PANK2: variants seen among roughly 807,000 people sequenced by gnomAD.
The protein encoded by PANK2 is pantothenate kinase 2.
Under a neutral mutation model 43.1 loss-of-function variants are expected in PANK2, and 36 were observed. That is an observed-to-expected ratio of 0.84 (90% CI 0.64 to 1.10). The LOEUF is 1.10. PANK2 is among the 50% of genes least tolerant of loss of function. PANK2 has a pLI of 0.00. For missense variants in PANK2, 576 were observed against 593.3 expected (o/e 0.97, Z 0.30); for synonymous variants, 281 against 238.2 (o/e 1.18, Z -1.66).
rs1009284458 is a variant in PANK2 at position 3,928,784 on chromosome 20, TGG to T, written c.*5493_*5494del. On this transcript the variant is annotated 3_prime_UTR_variant, in exon 7 of 7. Coordinates refer to ENST00000610179, the MANE Select transcript of PANK2 (RefSeq NM_001386393.1). ...AAAAAAAAAAAAAAAAAAAAATTGT[TGG>T]GGTAATTTCTGTTGTCAAATGGAAA... 1 of 139,020 alleles carries T rather than the reference TGG, an allele frequency of 7.2e-6. No homozygotes were observed. Among genetic ancestry groups the T allele is most frequent in the South Asian group, 2.3e-4 (1 of 4,302 alleles). The allele number at this position is 139,020 out of a possible 1,614,324, so 8.6% of individuals were successfully genotyped here. A position where few individuals can be genotyped will look rare whatever the true frequency, so the allele number is the denominator to read the frequency against.
intron 1 of PANK2, among the ~76,000 whole-genome samples, chr20:3,892,094 G>T (rs1047798167): frequency 2.0e-5 from 3 of 152,128 alleles, no homozygotes; most frequent in African/African-American, 7.2e-5. Context: ...CCAGCACTTT[G>T]GGAGGCCAAG....
At chr20:3,904,913 G>C (rs1409329599) in intron 1 of PANK2, among the ~76,000 whole-genome samples, 1 of 152,158 alleles carries the variant, frequency 6.6e-6, no homozygotes, top group Non-Finnish European at 1.5e-5. Context: ...AGTGGATTCA[G>C]TGTCTGTTTA....
At chr20:3,899,033 C>T (rs1019756435) in intron 1 of PANK2, among the ~76,000 whole-genome samples, 4 of 151,662 alleles carry the variant, frequency 2.6e-5, no homozygotes, top group Admixed American at 1.3e-4. Context: ...CACCACTGCA[C>T]CTGGCTAATT....
chr20:3,910,295 G>GTTTTTTTTTTTTTTTTTTT (rs11441747), intron 2 of PANK2, among the ~76,000 whole-genome samples: 1 of 143,906 alleles, frequency 6.9e-6, no homozygotes. Context: ...AAATGCTGTG[G>GTTTTTTTTTTTTTTTTTTT]TTTTTTTTTT....
chr20:3,895,354 A>T (rs1387600308), intron 1 of PANK2, among the ~76,000 whole-genome samples: 2 of 152,014 alleles, frequency 1.3e-5, no homozygotes, highest in African/African-American at 4.8e-5. Flanking sequence ...AGTCCCAGCT[A>T]CTTGGGAGGC....
intron 2 of PANK2, among the ~76,000 whole-genome samples, chr20:3,909,836 C>T (rs1366025060): frequency 6.6e-6 from 1 of 152,014 alleles, no homozygotes; most frequent in Non-Finnish European, 1.5e-5. Flanking sequence ...TTGTGATCCA[C>T]CTGTCTCAGC....
rs1339863084 is a variant in PANK2 at position 3,925,092 on chromosome 20, C to CT, written c.*1799dup. On this transcript the variant is annotated 3_prime_UTR_variant, in exon 7 of 7. Coordinates refer to ENST00000610179, the MANE Select transcript of PANK2 (RefSeq NM_001386393.1). ...GAGCTGGACTCAAACCCGGGACTGT[C>CT]TGTCTCTGGTGCCTGAGTTGGGAAG... is the stretch of plus-strand genomic sequence containing the variant. 1 of 152,492 alleles carries CT rather than the reference C, an allele frequency of 6.6e-6. No homozygotes were observed. Among genetic ancestry groups the CT allele is most frequent in the Non-Finnish European group, 1.5e-5 (1 of 68,242 alleles). The allele number at this position is 152,492 out of a possible 1,614,324, so 9.4% of individuals were successfully genotyped here.
intron 5 of PANK2, 73 bp downstream of exon 5, chr20:3,917,123 T>G: frequency 6.3e-7 from 1 of 1,586,446 alleles, no homozygotes; most frequent in Non-Finnish European, 8.7e-7. Context: ...CACGTCTGTT[T>G]TCTCAGAACA....
rs1002973520 is a variant in PANK2 at position 3,927,761 on chromosome 20, G to A, written c.*4467G>A. On this transcript the variant is annotated 3_prime_UTR_variant, in exon 7 of 7. Transcript: ENST00000610179. ...AGATGGAGAGGAACGGTGTGCAGTG[G>A]GCGTGAGATGCAGATCCACCAGGCT... 6.6e-6 allele frequency: 1 copy of A among 152,274 alleles called. No homozygotes were observed. Among genetic ancestry groups the A allele is most frequent in the Non-Finnish European group, 1.5e-5 (1 of 68,092 alleles). 9.4% of individuals were successfully genotyped at this position (152,274 alleles called of 1,614,324 possible). A position where few individuals can be genotyped will look rare whatever the true frequency, so the allele number is the denominator to read the frequency against.
In PANK2 at chr20:3,912,075, G is replaced by A. The variant is rs2090476409; in HGVS notation, c.906-383G>A. ...CGTTGCAGGAGGAGTATGTTTGGGG[G>A]TGTACTGATAAGCCAGGGTGACAAG... On this transcript the variant is annotated intron_variant, in intron 3 of 6. Transcript: ENST00000610179. Among the ~76,000 whole-genome samples the A allele has an allele frequency of 2.0e-5, 3 of 152,160 alleles. No individual in the cohort carries two copies. In the South Asian group the frequency reaches 6.2e-4, roughly 32 times the overall value.
intron 6 of PANK2, among the ~76,000 whole-genome samples, chr20:3,922,781 C>T (rs1488706146): frequency 6.6e-6 from 1 of 152,178 alleles, no homozygotes; most frequent in Non-Finnish European, 1.5e-5. Flanking sequence ...CTCCCTCTCC[C>T]AGCTCAGTCG....
At chr20:3,903,594 T>G (rs2090340587) in intron 1 of PANK2, among the ~76,000 whole-genome samples, 1 of 151,252 alleles carries the variant, frequency 6.6e-6, no homozygotes, top group South Asian at 2.1e-4. Context: ...GCCTCCCAAG[T>G]AGCTGGGATT....
chr20:3,910,669 A>C lies in PANK2; in HGVS notation c.744A>C (p.Ser248=), dbSNP rs778370524. The C allele has an allele frequency of 4.5e-5, 73 of 1,614,220 alleles. No homozygotes were observed. Among genetic ancestry groups the C allele is most frequent in the South Asian group, 4.0e-4 (36 of 91,086 alleles). ...ACTCAGTCGGATTCAATGGACGGTC[A>C]CAGTGCTATTACTTTGAAAACCCTG... Residue 248 remains serine (S), a synonymous_variant, in exon 3 of 7, where the codon TCA becomes TCC. Coordinates refer to ENST00000610179, the MANE Select transcript of PANK2 (RefSeq NM_001386393.1).
chr20:3,896,178 T>C (rs2090204011), intron 1 of PANK2, among the ~76,000 whole-genome samples: 1 of 151,382 alleles, frequency 6.6e-6, no homozygotes, highest in Non-Finnish European at 1.5e-5. Context: ...TTCTCTTGGC[T>C]CAGCCTCCTG....
chr20:3,903,562 T>G lies in PANK2; in HGVS notation c.299-4364T>G, dbSNP rs572282365. On this transcript the variant is annotated intron_variant, in intron 1 of 6. Coordinates refer to ENST00000610179, the MANE Select transcript of PANK2 (RefSeq NM_001386393.1). ...GCTAACTGTAACCTCTGCCTCCTGG[T>G]TCAAGTGATTCTCCTGCCTCAGCCT... Among the ~76,000 whole-genome samples the G allele has an allele frequency of 7.4e-5, 11 of 149,282 alleles. No homozygotes were observed. In the South Asian group the frequency reaches 2.3e-3, roughly 32 times the overall value.
intron 4 of PANK2, among the ~76,000 whole-genome samples, chr20:3,913,200 A>C (rs6139235): frequency 0.51 from 77,775 of 151,382 alleles, 20,401 homozygotes; most frequent in East Asian, 0.66. Flanking sequence ...TTTATTTTCA[A>C]TGTAGGTTTG....
chr20:3,891,947 C>G (rs538737120), intron 1 of PANK2, among the ~76,000 whole-genome samples: 1 of 152,240 alleles, frequency 6.6e-6, no homozygotes, highest in Non-Finnish European at 1.5e-5. Flanking sequence ...GAAAACCCAT[C>G]TTTCCAGTAT....
chr20:3,912,014 A>G (rs2090475635), intron 3 of PANK2, among the ~76,000 whole-genome samples: 2 of 152,188 alleles, frequency 1.3e-5, no homozygotes, highest in Admixed American at 1.3e-4. Context: ...AACAGTTGTG[A>G]TTTAAATAGA....
At chr20:3,903,119 GTAAAAA>G (rs2090330280) in intron 1 of PANK2, among the ~76,000 whole-genome samples, 1 of 147,068 alleles carries the variant, frequency 6.8e-6, no homozygotes, top group African/African-American at 2.5e-5. Flanking sequence ...GCTTTCAGAT[GTAAAAA>G]TGATTAGCTT....
Sources: allele counts gnomAD v4.1 joint callset (sites outside exome capture counted in the v4.1 genomes callset), GRCh38; gene constraint gnomAD v4.1.1; transcripts MANE v1.5; gene names NCBI Gene and HGNC (gene_info 2026-07-23, HGNC 2026-07-21).